Variants in MTG1 observed in about 807,000 individuals in gnomAD.
The protein encoded by MTG1 is mitochondrial ribosome associated GTPase 1.
MTG1 carries 30 observed loss-of-function variants against 39.5 expected under a neutral mutation model. That is an observed-to-expected ratio of 0.76 (90% confidence interval 0.57 to 1.03). The LOEUF (loss-of-function observed/expected upper bound fraction) is 1.03, where lower values mean the gene tolerates loss of function less well. Ranked by LOEUF, MTG1 falls within the 50% of genes least tolerant of loss-of-function variation. MTG1 has a pLI of 0.00. For synonymous variants in MTG1, 217 were observed against 179.0 expected (o/e 1.21, Z -1.69); for missense variants, 513 against 447.4 (o/e 1.15, Z -1.32).
intron 6 of MTG1, among the ~76,000 whole-genome samples, chr10:133,400,368 C>G (rs1271248739): frequency 6.6e-6 from 1 of 152,226 alleles, no homozygotes; most frequent in East Asian, 1.9e-4. Context: ...CTCCTTTCCT[C>G]CCTCTGTGCC....
At chr10:133,415,164 G>GGAAGAGGGAGACCGT (rs1564823058) in intron 9 of MTG1, among the ~76,000 whole-genome samples, 1 of 151,474 alleles carries the variant, frequency 6.6e-6, no homozygotes, top group African/African-American at 2.4e-5. Context: ...TGGAAAGAGA[G>GGAAGAGGGAGACCGT]GGAGAGGGAG....
At chr10:133,413,305 G>A (rs1332360033) in intron 9 of MTG1, among the ~76,000 whole-genome samples, 8 of 152,152 alleles carry the variant, frequency 5.3e-5, no homozygotes, top group South Asian at 2.1e-4. Flanking sequence ...GTAGAGATGG[G>A]GTTTCACCAT....
rs190771445 is a variant in MTG1 at position 133,420,060 on chromosome 10, G to A, written c.900G>A (p.Ala300=). ...NVNIIQPNYP[A]AARDFLQTFR... ...ACATTATTCAGCCTAACTATCCTGCGGCAGCCCGTGACTTCCTGCAGACTT... is the reference window on the plus strand; with the variant it reads ...ACATTATTCAGCCTAACTATCCTGCAGCAGCCCGTGACTTCCTGCAGACTT... Residue 300 remains alanine (A), a synonymous_variant, in exon 11 of 11, where the codon GCG becomes GCA. Transcript: ENST00000317502. The A allele has an allele frequency of 8.9e-5, 143 of 1,613,182 alleles. No individual in the cohort carries two copies. The East Asian group carries it at 2.7e-3, about 30-fold the overall frequency.
intron 1 of MTG1, 97 bp downstream of exon 1, chr10:133,394,429 C>G (rs1426449684): frequency 3.8e-6 from 5 of 1,331,250 alleles, no homozygotes; most frequent in Non-Finnish European, 2.9e-6. Context: ...TTCTCCCGGT[C>G]GTTCTGGGCT....
chr10:133,417,621 A>C (rs1377738109), intron 9 of MTG1, among the ~76,000 whole-genome samples: 1 of 151,844 alleles, frequency 6.6e-6, no homozygotes, highest in African/African-American at 2.4e-5. Flanking sequence ...TTGTATATCT[A>C]GAAAACCCCA....
At chr10:133,396,889 C>T (rs537318084) in intron 3 of MTG1, among the ~76,000 whole-genome samples, 55 of 152,254 alleles carry the variant, frequency 3.6e-4, no homozygotes, top group African/African-American at 1.2e-3. Context: ...TCTGGGAAGA[C>T]GCCCGTTGCC....
Position 133,415,159 on chromosome 10 carries a change from A to AGAGAGGGAGAGGGAGACCGTG in MTG1, c.753-4305_753-4285dup, listed in dbSNP as rs774768883. On this transcript the variant is annotated intron_variant, in intron 9 of 10. Transcript: ENST00000317502. ...TCGGCATCAGAGGGAGACCGTGGAA[A>AGAGAGGGAGAGGGAGACCGTG]GAGAGGGAGAGGGAGACCGTGGAGA... Among the ~76,000 whole-genome samples, 675 of 151,468 alleles carry AGAGAGGGAGAGGGAGACCGTG rather than the reference A, an allele frequency of 4.5e-3. 3 individuals are homozygous for AGAGAGGGAGAGGGAGACCGTG. The highest frequency in any genetic ancestry group is 5.7e-3 in the Non-Finnish European group (385 of 67,754).
At chr10:133,394,655 C>T (rs1340479594) in intron 1 of MTG1, 1 of 1,185,370 alleles carries the variant, frequency 8.4e-7, no homozygotes, top group Non-Finnish European at 1.0e-6. Flanking sequence ...TTTTAATCCC[C>T]CGAAGCCTCC....
chr10:133,395,860 A>G (rs774900675), intron 2 of MTG1, 83 bp downstream of exon 2: 8 of 1,414,318 alleles, frequency 5.7e-6, no homozygotes, highest in South Asian at 1.2e-5. Context: ...TTTTAAAAAT[A>G]TGAATTGCGA....
At chr10:133,408,678 G>A (rs1408050435) in intron 9 of MTG1, among the ~76,000 whole-genome samples, 1 of 152,052 alleles carries the variant, frequency 6.6e-6, no homozygotes, top group Non-Finnish European at 1.5e-5. Flanking sequence ...TCAGGACCTG[G>A]GATTTTCTTT....
intron 9 of MTG1, among the ~76,000 whole-genome samples, chr10:133,414,947 T>G (rs531681843): frequency 1.3e-5 from 2 of 152,200 alleles, no homozygotes; most frequent in Non-Finnish European, 2.9e-5. Flanking sequence ...GCGGATCACT[T>G]GTGGTTAGGA....
intron 9 of MTG1, among the ~76,000 whole-genome samples, chr10:133,409,152 C>T (rs2080067442): frequency 6.6e-6 from 1 of 151,734 alleles, no homozygotes; most frequent in African/African-American, 2.4e-5. Context: ...GAGTCTTCTG[C>T]TTTTTTTAGC....
chr10:133,405,072 C>T (rs571950267), intron 9 of MTG1, among the ~76,000 whole-genome samples: 25 of 152,184 alleles, frequency 1.6e-4, no homozygotes, highest in Admixed American at 1.0e-3. Context: ...TTCTTGAGGC[C>T]GGGTGGCAGA....
At position 133,402,066 on chromosome 10, in the gene MTG1, AG is replaced by A; in HGVS notation, c.574-79del. 1 of 1,553,102 alleles carries A rather than the reference AG, an allele frequency of 6.4e-7. No individual in the cohort carries two copies. On this transcript the variant is annotated intron_variant, in intron 7 of 10. Transcript: ENST00000317502. The surrounding 1 kb of genome is among the most constrained non-coding windows in gnomAD (Gnocchi z 4.7). ...GGCCTTCCTCGGAGCATTGGGTGCCAGGGGCTGCCCAGGCTTCCTGAGTGGC... is the reference window on the plus strand; with the variant it reads ...GGCCTTCCTCGGAGCATTGGGTGCCAGGGCTGCCCAGGCTTCCTGAGTGGC...
intron 9 of MTG1, among the ~76,000 whole-genome samples, chr10:133,415,237 T>G (rs1471591096): frequency 6.6e-6 from 1 of 152,104 alleles, no homozygotes; most frequent in East Asian, 1.9e-4. Flanking sequence ...GGCGCCCCTG[T>G]TTTTTCATAG....
At chr10:133,401,454 C>A (rs947303737) in intron 6 of MTG1, 75 bp from the exon 7 acceptor site, 4 of 1,306,648 alleles carry the variant, frequency 3.1e-6, no homozygotes, top group Admixed American at 4.6e-5. Context: ...GTGTTTGTTA[C>A]ATACGTCTCC....
Position 133,402,536 on chromosome 10 carries a change from C to A in MTG1, c.671-156C>A. ...GCAGGAGTGGGGGCCGGGACCACAG[C>A]CGAGTGCCGTCCTCTTGGTTAGTGT... On this transcript the variant is annotated intron_variant, in intron 8 of 10. Coordinates refer to ENST00000317502, the MANE Select transcript of MTG1 (RefSeq NM_138384.4). The surrounding 1 kb of genome is among the most constrained non-coding windows in gnomAD (Gnocchi z 4.7). 1.3e-6 allele frequency: 1 copy of A among 748,888 alleles called. No individual in the cohort carries two copies. The highest frequency in any genetic ancestry group is 2.2e-6 in the Non-Finnish European group (1 of 456,734). 46.4% of individuals were successfully genotyped at this position (748,888 alleles called of 1,614,324 possible).
At chr10:133,410,559 T>C (rs1325922498) in intron 9 of MTG1, among the ~76,000 whole-genome samples, 2 of 152,252 alleles carry the variant, frequency 1.3e-5, no homozygotes, top group African/African-American at 2.4e-5. Flanking sequence ...GTCTATGTAT[T>C]ATATGTAGTG....
At chr10:133,399,321 C>T in intron 5 of MTG1, 95 bp downstream of exon 5, 1 of 1,454,392 alleles carries the variant, frequency 6.9e-7, no homozygotes, top group Non-Finnish European at 9.6e-7. Context: ...GCGCAGCGCC[C>T]CAGGCAGGGA....
Sources: allele counts gnomAD v4.1 joint callset (sites outside exome capture counted in the v4.1 genomes callset), GRCh38; gene constraint gnomAD v4.1.1; non-coding constraint Gnocchi (gnomAD v3.1); transcripts MANE v1.5; gene names NCBI Gene and HGNC (gene_info 2026-07-23, HGNC 2026-07-21).